CDH7: variants seen among roughly 807,000 people sequenced by gnomAD.
CDH7 encodes the protein cadherin-7.
A neutral mutation model predicts 71.8 loss-of-function variants in CDH7; 25 were observed. That is an observed-to-expected ratio of 0.35 (90% confidence interval 0.25 to 0.49). The LOEUF is 0.49. CDH7 is among the 20% of genes least tolerant of loss of function. The pLI is 0.99. For synonymous variants in CDH7, 381 were observed against 363.8 expected (o/e 1.05, Z -0.54); for missense variants, 862 against 974.6 (o/e 0.88, Z 1.54).
chr18:65,766,641 C>A (rs1331670876), intron 2 of CDH7, among the ~76,000 whole-genome samples: 1 of 151,830 alleles, frequency 6.6e-6, no homozygotes, highest in African/African-American at 2.4e-5. Flanking sequence ...ATAATAGTGC[C>A]CCTTTCCTTA....
chr18:65,812,041 C>T (rs183478795), intron 3 of CDH7, among the ~76,000 whole-genome samples: 49 of 127,804 alleles, frequency 3.8e-4, no homozygotes, highest in African/African-American at 1.3e-3. Flanking sequence ...TAATCTTGGC[C>T]TACTGCAACC....
intron 2 of CDH7, among the ~76,000 whole-genome samples, chr18:65,768,225 T>G (rs887594718): frequency 3.3e-5 from 5 of 151,962 alleles, no homozygotes; most frequent in African/African-American, 9.7e-5. Context: ...CGTTGTTGTT[T>G]TTTTTTTTTA....
chr18:65,848,645 G>A (rs1913020193), intron 7 of CDH7, among the ~76,000 whole-genome samples: 1 of 152,114 alleles, frequency 6.6e-6, no homozygotes, highest in Non-Finnish European at 1.5e-5. Flanking sequence ...GTTCATTTCT[G>A]TAGGCATCAC....
At chr18:65,859,099 C>A (rs1913471141) in intron 9 of CDH7, 53 bp downstream of exon 9, 2 of 1,558,258 alleles carry the variant, frequency 1.3e-6, no homozygotes, top group East Asian at 2.3e-5. Flanking sequence ...TAAAAAATAT[C>A]CAGCAGCAGT....
chr18:65,844,908 G>A (rs952269220), intron 7 of CDH7, among the ~76,000 whole-genome samples: 8 of 152,018 alleles, frequency 5.3e-5, no homozygotes, highest in Admixed American at 2.0e-4. Context: ...AGACTATAAC[G>A]TAAAAATAAA....
chr18:65,828,989 T>A (rs2143953510), intron 6 of CDH7, among the ~76,000 whole-genome samples: 1 of 152,314 alleles, frequency 6.6e-6, no homozygotes, highest in East Asian at 1.9e-4. Context: ...AAAATAGATC[T>A]GATTTTTAAG....
intron 1 of CDH7, among the ~76,000 whole-genome samples, chr18:65,760,388 A>G (rs982245641): frequency 5.9e-5 from 9 of 152,188 alleles, no homozygotes; most frequent in African/African-American, 1.9e-4. Context: ...TTTACTGGTA[A>G]CTAACTCCTC....
Position 65,883,181 on chromosome 18 carries a change from G to T in CDH7, c.*2287G>T, listed in dbSNP as rs1037331673. The T allele has an allele frequency of 7.3e-5, 11 of 151,708 alleles. No homozygotes were observed. Among genetic ancestry groups the T allele is most frequent in the Admixed American group, 2.6e-4 (4 of 15,222 alleles). 9.4% of individuals were successfully genotyped at this position (151,708 alleles called of 1,614,324 possible). On this transcript the variant is annotated 3_prime_UTR_variant, in exon 12 of 12. Coordinates refer to ENST00000397968, the MANE Select transcript of CDH7 (RefSeq NM_004361.5). Reference sequence around the variant, plus strand: ...TATACCCAATTGCTATTTATGTGTGGATGATTATATGAATACAGTATTACA... The same window carrying T: ...TATACCCAATTGCTATTTATGTGTGTATGATTATATGAATACAGTATTACA...
intron 1 of CDH7, among the ~76,000 whole-genome samples, chr18:65,757,251 A>G (rs528096024): frequency 6.6e-6 from 1 of 152,314 alleles, no homozygotes; most frequent in Non-Finnish European, 1.5e-5. Context: ...GATAATAAAC[A>G]GTCTACTTGA....
chr18:65,766,335 T>C (rs1042470246), intron 2 of CDH7, among the ~76,000 whole-genome samples: 5 of 152,114 alleles, frequency 3.3e-5, no homozygotes, highest in African/African-American at 1.2e-4. Context: ...ATTAAGACAT[T>C]GAAGATAATG....
In CDH7 at chr18:65,866,315, C is replaced by CAAAAAAAAAAAA. The variant is rs1568228989; in HGVS notation, c.1864+3402_1864+3413dup. 2.9e-3 allele frequency: 4 copies of CAAAAAAAAAAAA among 1,364 alleles called. 1 individual carries two copies. Among genetic ancestry groups the CAAAAAAAAAAAA allele is most frequent in the African/African-American group, 4.4e-3 (3 of 676 alleles). The allele number at this position is 1,364 out of a possible 1,614,324, so 0.1% of individuals were successfully genotyped here. A position where few individuals can be genotyped will look rare whatever the true frequency, so the allele number is the denominator to read the frequency against. On this transcript the variant is annotated intron_variant, in intron 11 of 11. Transcript: ENST00000397968. ...CTCCGTCTCAAAAAAAAAAAAAAAA[C>CAAAAAAAAAAAA]AAAAAAAAAAAAAAACAAAAAAAAA... is the stretch of plus-strand genomic sequence containing the variant.
At chr18:65,793,892 A>G (rs1910808632) in intron 2 of CDH7, among the ~76,000 whole-genome samples, 1 of 152,078 alleles carries the variant, frequency 6.6e-6, no homozygotes, top group Non-Finnish European at 1.5e-5. Flanking sequence ...CTTGATTTTT[A>G]TTTTAGATGA....
intron 7 of CDH7, among the ~76,000 whole-genome samples, chr18:65,844,984 T>C (rs1912886168): frequency 6.6e-6 from 1 of 152,058 alleles, no homozygotes; most frequent in Admixed American, 6.6e-5. Flanking sequence ...GACTTTTAGA[T>C]TTAAATAATA....
chr18:65,771,664 A>G (rs1161954450), intron 2 of CDH7, among the ~76,000 whole-genome samples: 1 of 151,380 alleles, frequency 6.6e-6, no homozygotes, highest in Non-Finnish European at 1.5e-5. Flanking sequence ...CTAGAAAGTG[A>G]GACTCTGCCT....
chr18:65,765,457 C>T (rs1370802338), intron 2 of CDH7, among the ~76,000 whole-genome samples: 2 of 131,644 alleles, frequency 1.5e-5, no homozygotes, highest in African/African-American at 6.0e-5. Flanking sequence ...TTTTCCTTTC[C>T]TTTTTTCTTT....
intron 2 of CDH7, among the ~76,000 whole-genome samples, chr18:65,807,712 T>C (rs1911375587): frequency 6.6e-6 from 1 of 152,194 alleles, no homozygotes; most frequent in Admixed American, 6.5e-5. Flanking sequence ...GCATTTGTCT[T>C]GGGAGTCAAG....
intron 2 of CDH7, among the ~76,000 whole-genome samples, chr18:65,801,037 G>T (rs1172061907): frequency 6.6e-6 from 1 of 152,082 alleles, no homozygotes; most frequent in Non-Finnish European, 1.5e-5. Context: ...CTTTTGTGTG[G>T]TCACCAAAAT....
At chr18:65,756,554 T>C (rs1916034944) in intron 1 of CDH7, among the ~76,000 whole-genome samples, 1 of 152,232 alleles carries the variant, frequency 6.6e-6, no homozygotes, top group Non-Finnish European at 1.5e-5. Flanking sequence ...GTGTGTTATA[T>C]ATTAAGTCTA....
chr18:65,841,316 G>A (rs1912724567), intron 6 of CDH7, among the ~76,000 whole-genome samples: 1 of 152,068 alleles, frequency 6.6e-6, no homozygotes, highest in African/African-American at 2.4e-5. Flanking sequence ...CATTTCTGCA[G>A]TACATTTTAA....
Sources: gnomAD v4.1 joint callset for allele counts (sites outside exome capture counted in the v4.1 genomes callset) on GRCh38, gnomAD v4.1.1 for gene constraint, MANE v1.5 for transcripts, NCBI Gene and HGNC (gene_info 2026-07-23, HGNC 2026-07-21) for gene names.